The following ABI2 variants were observed in gnomAD, a reference collection of about 807,000 sequenced individuals.
ABI2 encodes abl interactor 2, also known as abelson interactor 2.
Under a neutral mutation model 59.2 loss-of-function variants are expected in ABI2, and 25 were observed. The observed-to-expected ratio is 0.42, with a 90% CI of 0.31 to 0.59. The LOEUF is 0.59. Ranked by LOEUF, ABI2 falls within the 20% of genes least tolerant of loss-of-function variation. The pLI, the probability that ABI2 is intolerant of heterozygous loss-of-function variation, is 0.14. For synonymous variants in ABI2, 213 were observed against 235.5 expected (o/e 0.90, Z 0.87); for missense variants, 545 against 681.8 (o/e 0.80, Z 2.23).
rs1327728011 is a variant in ABI2, at chr2:203,338,956, A to G, written c.117+10325A>G. ...TATGTATATATATATATATATATAT[A>G]TATATAAATATATATATATATATAT... On this transcript the variant is annotated intron_variant, in intron 1 of 11. Coordinates refer to ENST00000261018, the MANE Select transcript of ABI2 (RefSeq NM_001375670.1). 9.5e-3 allele frequency among the ~76,000 whole-genome samples: 55 copies of G among 5,772 alleles called. 1 individual carries two copies. The highest frequency in any genetic ancestry group is 0.026 in the African/African-American group (51 of 1,980). The allele number at this position is 5,772 out of a possible 152,430, so 3.8% of individuals were successfully genotyped here.
At chr2:203,420,403 T>C (rs1580793164) in intron 11 of ABI2, among the ~76,000 whole-genome samples, 1 of 152,126 alleles carries the variant, frequency 6.6e-6, no homozygotes, top group South Asian at 2.1e-4. Flanking sequence ...TCCCTTTTTT[T>C]TTTTTTTTGA....
rs78265856 is a variant in ABI2, at chr2:203,401,335, C to T, written c.1034-1241C>T. On this transcript the variant is annotated intron_variant, in intron 8 of 11. Transcript: ENST00000261018. ...CCTGTCCCCTTTCCGCTTTCTTCTC[C>T]ACCTGCTTATTTCTCCGCCTCCTCT... 7.0e-3 allele frequency among the ~76,000 whole-genome samples: 1,069 copies of T among 152,084 alleles called. 3 individuals are homozygous for T. Among genetic ancestry groups the T allele is most frequent in the Non-Finnish European group, 0.011 (779 of 67,990 alleles).
At chr2:203,354,613 C>T (rs1490677707) in intron 1 of ABI2, among the ~76,000 whole-genome samples, 1 of 152,118 alleles carries the variant, frequency 6.6e-6, no homozygotes, top group Non-Finnish European at 1.5e-5. Context: ...GGGTCAAAGG[C>T]GTAGGACTTT....
chr2:203,366,047 T>C (rs2094406732), intron 1 of ABI2, among the ~76,000 whole-genome samples: 1 of 152,244 alleles, frequency 6.6e-6, no homozygotes, highest in Non-Finnish European at 1.5e-5. Flanking sequence ...CATGTTCATA[T>C]GTAAACTGTC....
chr2:203,363,127 G>A (rs769519797), intron 1 of ABI2, among the ~76,000 whole-genome samples: 1 of 143,234 alleles, frequency 7.0e-6, no homozygotes, highest in Non-Finnish European at 1.5e-5. Context: ...CAGTGCACCT[G>A]GCAGTATTTT....
intron 11 of ABI2, among the ~76,000 whole-genome samples, chr2:203,426,785 TAAAAA>T (rs59683844): frequency 1.7e-4 from 22 of 131,838 alleles, no homozygotes; most frequent in Admixed American, 1.5e-3. Flanking sequence ...AGAAAAGCTT[TAAAAA>T]AAAAAAAAAA....
chr2:203,335,547 G>T (rs2152392086), intron 1 of ABI2, among the ~76,000 whole-genome samples: 1 of 152,310 alleles, frequency 6.6e-6, no homozygotes, highest in South Asian at 2.1e-4. Context: ...ACACCTGTCA[G>T]CCGCCATGCC....
intron 1 of ABI2, among the ~76,000 whole-genome samples, chr2:203,360,607 T>A (rs1267612398): frequency 6.6e-6 from 1 of 152,094 alleles, no homozygotes; most frequent in Non-Finnish European, 1.5e-5. Flanking sequence ...AAATGGAGAA[T>A]TTAGATACCA....
chr2:203,354,862 A>G (rs971381862), intron 1 of ABI2, among the ~76,000 whole-genome samples: 4 of 152,280 alleles, frequency 2.6e-5, no homozygotes. Flanking sequence ...ACTGTTTTCG[A>G]TATAAACATT....
Position 203,368,984 on chromosome 2 carries a change from A to AATTTTTTTTTTTTTTTT in ABI2, c.285+1940_285+1941insATTTTTTTTTTTTTTTT, listed in dbSNP as rs1312712237. ...TACAGGCACGTGCCATGCTTGGCTG[A>AATTTTTTTTTTTTTTTT]TTTTTTTTTTTTTTTTTTTTTTTTT... On this transcript the variant is annotated intron_variant, in intron 2 of 11. Transcript: ENST00000261018. 5.5e-5 allele frequency among the ~76,000 whole-genome samples: 5 copies of AATTTTTTTTTTTTTTTT among 91,118 alleles called. 2 individuals are homozygous for AATTTTTTTTTTTTTTTT. The highest frequency in any genetic ancestry group is 4.1e-5 in the Non-Finnish European group (2 of 48,338). 59.8% of individuals were successfully genotyped at this position (91,118 alleles called of 152,430 possible). A position where few individuals can be genotyped will look rare whatever the true frequency, so the allele number is the denominator to read the frequency against.
At chr2:203,419,106 C>CTTTT (rs748788810) in intron 11 of ABI2, among the ~76,000 whole-genome samples, 8 of 126,296 alleles carry the variant, frequency 6.3e-5, no homozygotes, top group East Asian at 2.3e-4. Context: ...AATTAAAGAT[C>CTTTT]TTTTTTTTTT....
rs769317526 is a variant in ABI2, at chr2:203,427,255, A to T, written c.1532A>T (p.Lys511Met). ...GAAGGAGCCATTATTTATGTCATCAAGAAGAATGACGATGGTTGGTATGAG... is the reference window on the plus strand; with the variant it reads ...GAAGGAGCCATTATTTATGTCATCATGAAGAATGACGATGGTTGGTATGAG... ...FQEGAIIYVI[K>M]KNDDGWYEGV... The change falls in exon 12 of 12, where the codon AAG becomes ATG. Residue 511 changes from lysine (K) to methionine (M), a missense_variant. Coordinates refer to ENST00000261018, the MANE Select transcript of ABI2 (RefSeq NM_001375670.1). 6.2e-7 allele frequency: 1 copy of T among 1,613,932 alleles called. No individual in the cohort carries two copies. The highest frequency in any genetic ancestry group is 1.7e-5 in the Admixed American group (1 of 60,026).
At chr2:203,410,188 A>G (rs2097599012) in intron 9 of ABI2, among the ~76,000 whole-genome samples, 1 of 152,076 alleles carries the variant, frequency 6.6e-6, no homozygotes, top group African/African-American at 2.4e-5. Context: ...CTCCACCACT[A>G]CTTCCAGGGA....
At chr2:203,391,012 G>A in intron 4 of ABI2, 34 bp from the exon 5 acceptor site, 1 of 1,550,276 alleles carries the variant, frequency 6.5e-7, no homozygotes, top group Non-Finnish European at 8.9e-7. Flanking sequence ...TTATTTCACT[G>A]CATACAAGTT....
chr2:203,363,778 T>C (rs1197327674), intron 1 of ABI2, among the ~76,000 whole-genome samples: 2 of 152,210 alleles, frequency 1.3e-5, no homozygotes, highest in African/African-American at 4.8e-5. Flanking sequence ...TTTTCTTTTT[T>C]TTTGAGACAG....
Position 203,431,276 on chromosome 2 carries a change from T to G in ABI2, c.*3924T>G, listed in dbSNP as rs569283625. On this transcript the variant is annotated 3_prime_UTR_variant, in exon 12 of 12. Coordinates refer to ENST00000261018, the MANE Select transcript of ABI2 (RefSeq NM_001375670.1). ...GAACAGCTAGTTAATAACAGCAGAG[T>G]TCTCACTCAGTGCTCAGTACTTAAT... The G allele has an allele frequency of 7.2e-5, 11 of 152,574 alleles. No individual in the cohort carries two copies. Among genetic ancestry groups the G allele is most frequent in the Non-Finnish European group, 1.5e-4 (10 of 68,032 alleles). 9.5% of individuals were successfully genotyped at this position (152,574 alleles called of 1,614,324 possible). A position where few individuals can be genotyped will look rare whatever the true frequency, so the allele number is the denominator to read the frequency against.
intron 6 of ABI2, 116 bp from the exon 7 acceptor site, chr2:203,395,540 G>C: frequency 8.8e-7 from 1 of 1,130,436 alleles, no homozygotes; most frequent in Non-Finnish European, 1.2e-6. Flanking sequence ...TTTTGAAGTG[G>C]TACGCTTTTG....
intron 11 of ABI2, among the ~76,000 whole-genome samples, chr2:203,418,370 C>T (rs986301228): frequency 9.2e-5 from 14 of 152,254 alleles, no homozygotes; most frequent in African/African-American, 1.4e-4. Flanking sequence ...ACTCTTCACA[C>T]GGCTGCAATC....
chr2:203,338,980 A>G (rs1485203409), intron 1 of ABI2, among the ~76,000 whole-genome samples: 2 of 11,924 alleles, frequency 1.7e-4, no homozygotes, highest in Admixed American at 2.3e-3. Context: ...ATATATATAT[A>G]TAAATATATA....
Sources: gnomAD v4.1 joint callset for allele counts (sites outside exome capture counted in the v4.1 genomes callset) on GRCh38, gnomAD v4.1.1 for gene constraint, MANE v1.5 for transcripts, NCBI Gene and HGNC (gene_info 2026-07-23, HGNC 2026-07-21) for gene names.